The following DSG3 variants were observed in gnomAD, a reference collection of about 807,000 sequenced individuals.
The protein encoded by DSG3 is desmoglein-3.
DSG3 carries 63 observed loss-of-function variants against 85.9 expected under a neutral mutation model. That is an observed-to-expected ratio of 0.73 (90% CI 0.60 to 0.90). The LOEUF (loss-of-function observed/expected upper bound fraction) is 0.90, where lower values mean the gene tolerates loss of function less well. Ranked by LOEUF, DSG3 falls within the 40% of genes least tolerant of loss-of-function variation. The pLI, the probability that DSG3 is intolerant of heterozygous loss-of-function variation, is 0.00. For synonymous variants in DSG3, 447 were observed against 441.9 expected (o/e 1.01, Z -0.14); for missense variants, 1,220 against 1,219.9 (o/e 1.00, Z 0.00).
At chr18:31,457,941 C>T (rs1219453153) in intron 3 of DSG3, among the ~76,000 whole-genome samples, 1 of 151,868 alleles carries the variant, frequency 6.6e-6, no homozygotes, top group Non-Finnish European at 1.5e-5. Flanking sequence ...TTATACTGTT[C>T]TAACTTTACA....
Position 31,476,521 on chromosome 18 carries a change from T to C in DSG3, c.*261T>C, listed in dbSNP as rs1598789944. 1 of 356,282 alleles carries C rather than the reference T, an allele frequency of 2.8e-6. No homozygotes were observed. The highest frequency in any genetic ancestry group is 4.5e-5 in the East Asian group (1 of 22,120). 22.1% of individuals were successfully genotyped at this position (356,282 alleles called of 1,614,324 possible). A position where few individuals can be genotyped will look rare whatever the true frequency, so the allele number is the denominator to read the frequency against. On this transcript the variant is annotated 3_prime_UTR_variant, in exon 16 of 16. Coordinates refer to ENST00000257189, the MANE Select transcript of DSG3 (RefSeq NM_001944.3). ...CCCTAAAATCATATTCGCCAGGAAA[T>C]TTTCCTAAACATTCTTAAGCTTCTA...
chr18:31,458,974 T>C, intron 4 of DSG3, 59 bp from the exon 5 acceptor site: 5 of 1,579,122 alleles, frequency 3.2e-6, no homozygotes, highest in Non-Finnish European at 4.3e-6. Context: ...TTTATACAAG[T>C]TTTAATAGTA....
intron 15 of DSG3, 81 bp downstream of exon 15, chr18:31,474,485 G>T: frequency 6.8e-7 from 1 of 1,476,140 alleles, no homozygotes; most frequent in Non-Finnish European, 9.1e-7. Context: ...CTTCAGTTTT[G>T]CAGTTTTTAT....
At chr18:31,466,452 G>A in intron 10 of DSG3, 78 bp from the exon 11 acceptor site, 1 of 1,303,412 alleles carries the variant, frequency 7.7e-7, no homozygotes, top group Admixed American at 1.8e-5. Context: ...CTACAGAAAA[G>A]AGAAATGTAA....
At chr18:31,458,706 A>T in intron 4 of DSG3, 106 bp downstream of exon 4, 1 of 1,270,782 alleles carries the variant, frequency 7.9e-7, no homozygotes, top group Admixed American at 2.3e-5. Flanking sequence ...CAGTACATGC[A>T]TCAGTCCACC....
At chr18:31,461,720 A>G (rs115863949) in intron 8 of DSG3, among the ~76,000 whole-genome samples, 1,736 of 152,256 alleles carry the variant, frequency 0.011, 36 homozygotes, top group African/African-American at 0.038. Flanking sequence ...TAAGCACAAG[A>G]AAGCAAAACA....
Position 31,476,194 on chromosome 18 carries a change from C to G in DSG3, c.2934C>G (p.Gly978=), listed in dbSNP as rs897022866. 6.2e-7 allele frequency: 1 copy of G among 1,614,122 alleles called. No individual in the cohort carries two copies. Among genetic ancestry groups the G allele is most frequent in the African/African-American group, 1.3e-5 (1 of 75,044 alleles). ...CCAGTGTTCCTGGCAACCTAGCTGGCCCAACGCAGCTACGAGGGTCACATA... is the reference window on the plus strand; with the variant it reads ...CCAGTGTTCCTGGCAACCTAGCTGGGCCAACGCAGCTACGAGGGTCACATA... ...PISSVPGNLA[G]PTQLRGSHTM... The change falls in exon 16 of 16, where the codon GGC becomes GGG. Residue 978 remains glycine (G), a synonymous_variant. Transcript: ENST00000257189.
At chr18:31,463,283 T>A (rs915907580) in intron 8 of DSG3, among the ~76,000 whole-genome samples, 2 of 152,220 alleles carry the variant, frequency 1.3e-5, no homozygotes, top group African/African-American at 4.8e-5. Flanking sequence ...AGTTCCATGT[T>A]TAGACATCTT....
At position 31,467,889 on chromosome 18, in the gene DSG3, T is replaced by G. The variant is rs915251938; in HGVS notation, c.1636+1135T>G. Among the ~76,000 whole-genome samples the G allele has an allele frequency of 2.0e-5, 3 of 152,208 alleles. No individual in the cohort carries two copies. In the East Asian group the frequency reaches 5.8e-4, roughly 29 times the overall value. ...GGCCCTCACACTTCTGACATAAAGA[T>G]CTATCTCCAAACTGTGCATGTAGCA... On this transcript the variant is annotated intron_variant, in intron 11 of 15. Transcript: ENST00000257189.
At position 31,466,779 on chromosome 18, in the gene DSG3, A is replaced by AATT. The variant is rs1299230663; in HGVS notation, c.1636+25_1636+26insATT. The AATT allele has an allele frequency of 6.3e-6, 10 of 1,586,892 alleles. No homozygotes were observed. The East Asian group carries it at 2.2e-4, about 35-fold the overall frequency. ...GGTGAGTAACAGTAAAGTTGCTTCT[A>AATT]TAAATGCAAACTGCTCCTTTGTATT... On this transcript the variant is annotated intron_variant, in intron 11 of 15. Coordinates refer to ENST00000257189, the MANE Select transcript of DSG3 (RefSeq NM_001944.3).
In DSG3 at chr18:31,464,281, T is replaced by C; in HGVS notation, c.1170T>C (p.Phe390=). 2 of 1,614,158 alleles carry C rather than the reference T, an allele frequency of 1.2e-6. No homozygotes were observed. Among genetic ancestry groups the C allele is most frequent in the Non-Finnish European group, 1.7e-6 (2 of 1,180,004 alleles). Residue 390 remains phenylalanine (F), a synonymous_variant, in exon 9 of 16, where the codon TTT becomes TTC. Coordinates refer to ENST00000257189, the MANE Select transcript of DSG3 (RefSeq NM_001944.3). ...CATTCCGTCCTGCTTCCAAGACATT[T>C]ACTGTGCAAAAAGGCATAAGTAGCA... ...GIAFRPASKT[F]TVQKGISSKK...
At position 31,472,714 on chromosome 18, in the gene DSG3, A is replaced by G; in HGVS notation, c.2038-11A>G. On this transcript the variant is annotated splice_polypyrimidine_tract_variant and intron_variant, in intron 13 of 15. Transcript: ENST00000257189. ...ACTTTTAAATGAATTTATTTTTCAC[A>G]TGGTTTGCAGGAAATCACAAATATT... 2 of 1,613,692 alleles carry G rather than the reference A, an allele frequency of 1.2e-6. No homozygotes were observed. Among genetic ancestry groups the G allele is most frequent in the Non-Finnish European group, 8.5e-7 (1 of 1,179,736 alleles).
At chr18:31,449,019 C>T (rs1465314922) in intron 1 of DSG3, among the ~76,000 whole-genome samples, 1 of 152,114 alleles carries the variant, frequency 6.6e-6, no homozygotes, top group Non-Finnish European at 1.5e-5. Flanking sequence ...CCTCAGCCTC[C>T]TGAGTAGCTG....
At chr18:31,459,804 TTGTTACATA>T (rs2072772187) in intron 5 of DSG3, 32 bp from the exon 6 acceptor site, 1 of 1,525,570 alleles carries the variant, frequency 6.6e-7, no homozygotes, top group Non-Finnish European at 8.9e-7. Context: ...ATAATGTTAA[TTGTTACATA>T]TTCTTTAATA....
At chr18:31,449,348 G>C (rs913373907) in intron 1 of DSG3, among the ~76,000 whole-genome samples, 3 of 152,192 alleles carry the variant, frequency 2.0e-5, no homozygotes, top group African/African-American at 7.2e-5. Context: ...CAGGTGGTCT[G>C]ATAACCCCTA....
chr18:31,465,121 G>T (rs1489031755), intron 9 of DSG3, among the ~76,000 whole-genome samples, 197 bp from the exon 10 acceptor site: 3 of 139,552 alleles, frequency 2.1e-5, no homozygotes, highest in Admixed American at 7.1e-5. Flanking sequence ...GCGAAACTCC[G>T]TCTCAAAAAA....
chr18:31,455,393 G>T (rs1206725781), intron 1 of DSG3, among the ~76,000 whole-genome samples: 1 of 151,016 alleles, frequency 6.6e-6, no homozygotes, highest in Admixed American at 6.6e-5. Context: ...ACCTGTGAGG[G>T]TTACAAGAAA....
At chr18:31,455,021 CA>C (rs541940386) in intron 1 of DSG3, among the ~76,000 whole-genome samples, 35,083 of 93,936 alleles carry the variant, frequency 0.37, 4,587 homozygotes, top group African/African-American at 0.52. Flanking sequence ...AACTCCGTCT[CA>C]AAAAAAAAAA....
intron 1 of DSG3, among the ~76,000 whole-genome samples, chr18:31,449,727 G>C (rs1207984119): frequency 1.3e-5 from 2 of 152,100 alleles, no homozygotes; most frequent in Non-Finnish European, 2.9e-5. Context: ...CATGTATTTG[G>C]TTCCACTCAA....
Sources: allele counts gnomAD v4.1 joint callset (sites outside exome capture counted in the v4.1 genomes callset), GRCh38; gene constraint gnomAD v4.1.1; transcripts MANE v1.5; gene names NCBI Gene and HGNC (gene_info 2026-07-23, HGNC 2026-07-21).